The following CCDC167 variants were observed in gnomAD, a reference collection of about 807,000 sequenced individuals.
CCDC167 encodes coiled-coil domain-containing protein 167.
Under a neutral mutation model 12.7 loss-of-function variants are expected in CCDC167, and 15 were observed. That is an observed-to-expected ratio of 1.18 (90% CI 0.79 to 1.81). The LOEUF (loss-of-function observed/expected upper bound fraction) is 1.81, where lower values mean the gene tolerates loss of function less well. CCDC167 is among the 40% of genes most tolerant of loss of function. The pLI is 0.00. For synonymous variants in CCDC167, 52 were observed against 49.0 expected, an observed-to-expected ratio of 1.06 and a Z score of -0.26; for missense variants, 121 against 120.1, an observed-to-expected ratio of 1.01 and a Z score of -0.03.
At chr6:37,490,609 G>A (rs1435087108) in intron 1 of CCDC167, among the ~76,000 whole-genome samples, 2 of 152,060 alleles carry the variant, frequency 1.3e-5, no homozygotes, top group Non-Finnish European at 2.9e-5. Context: ...TGAGCTCAGC[G>A]AGGAGACCCA....
intron 3 of CCDC167, 75 bp downstream of exon 3, chr6:37,484,735 G>A: frequency 6.4e-7 from 1 of 1,556,666 alleles, no homozygotes; most frequent in Admixed American, 1.7e-5. Context: ...GCCTTGTCAG[G>A]CCCCTTGGGC....
At chr6:37,493,868 C>T (rs1266422808) in intron 1 of CCDC167, among the ~76,000 whole-genome samples, 1 of 152,222 alleles carries the variant, frequency 6.6e-6, no homozygotes, top group Non-Finnish European at 1.5e-5. Flanking sequence ...GAGCCCTGTG[C>T]ACAGCCTGCT....
intron 2 of CCDC167, 72 bp from the exon 3 acceptor site, chr6:37,484,934 A>C: frequency 3.1e-6 from 5 of 1,590,140 alleles, no homozygotes; most frequent in Non-Finnish European, 3.4e-6. Flanking sequence ...CTGGCATGCC[A>C]GTTGGCAGGG....
chr6:37,485,906 A>C (rs1402924332), intron 1 of CCDC167, among the ~76,000 whole-genome samples: 1 of 152,202 alleles, frequency 6.6e-6, no homozygotes, highest in African/African-American at 2.4e-5. Flanking sequence ...GTTTGATTAG[A>C]GTTTCAGAGA....
At chr6:37,494,054 G>GA (rs1762065278) in intron 1 of CCDC167, among the ~76,000 whole-genome samples, 1 of 127,246 alleles carries the variant, frequency 7.9e-6, no homozygotes, top group Non-Finnish European at 1.6e-5. Flanking sequence ...CAGTGATCCT[G>GA]CCTTTTTTTT....
At chr6:37,486,304 C>T (rs1761941974) in intron 1 of CCDC167, among the ~76,000 whole-genome samples, 1 of 152,224 alleles carries the variant, frequency 6.6e-6, no homozygotes, top group Admixed American at 6.5e-5. Context: ...CTCTCCTTAT[C>T]AGTCTCAGCC....
intron 3 of CCDC167, 95 bp downstream of exon 3, chr6:37,484,715 G>T: frequency 7.0e-7 from 1 of 1,431,162 alleles, no homozygotes; most frequent in Non-Finnish European, 9.9e-7. Context: ...GAACCCCCTT[G>T]CTCCCTGCTG....
intron 2 of CCDC167, 70 bp from the exon 3 acceptor site, chr6:37,484,932 C>G: frequency 6.3e-7 from 1 of 1,595,070 alleles, no homozygotes; most frequent in Non-Finnish European, 8.6e-7. Context: ...AGCTGGCATG[C>G]CAGTTGGCAG....
At chr6:37,494,591 G>C (rs921125071) in intron 1 of CCDC167, among the ~76,000 whole-genome samples, 2 of 152,158 alleles carry the variant, frequency 1.3e-5, no homozygotes, top group Non-Finnish European at 2.9e-5. Flanking sequence ...AGACGTTCCA[G>C]AAGTCAGCTA....
Position 37,483,009 on chromosome 6 carries a change from C to T in CCDC167, c.*177G>A, listed in dbSNP as rs1051938356. 13 of 682,432 alleles carry T rather than the reference C, an allele frequency of 1.9e-5. No homozygotes were observed. The highest frequency in any genetic ancestry group is 2.9e-5 in the East Asian group (1 of 34,774). 42.3% of individuals were successfully genotyped at this position (682,432 alleles called of 1,614,324 possible). On this transcript the variant is annotated 3_prime_UTR_variant, in exon 4 of 4. Coordinates refer to ENST00000373408, the MANE Select transcript of CCDC167 (RefSeq NM_138493.3). The stretch of plus-strand genomic sequence containing the variant: ...CCAGCACCATGTCCTTCTGGAGACC[C>T]GGAACCCCCCAGCAGGCCAGGGAGG...
chr6:37,499,769 C>A, intron 1 of CCDC167, 53 bp downstream of exon 1: 1 of 1,576,938 alleles, frequency 6.3e-7, no homozygotes. Flanking sequence ...CCTTATCCCG[C>A]GGCCAGGAGA....
chr6:37,499,684 C>T (rs546841290), intron 1 of CCDC167, 138 bp downstream of exon 1: 1 of 991,032 alleles, frequency 1.0e-6, no homozygotes, highest in African/African-American at 1.6e-5. Flanking sequence ...CTCACCCCTC[C>T]CGTCCCTCTC....
chr6:37,483,290 C>A lies in CCDC167; in HGVS notation c.191-1G>T. The A allele has an allele frequency of 1.2e-6, 2 of 1,608,686 alleles. No homozygotes were observed. Among genetic ancestry groups the A allele is most frequent in the South Asian group, 2.2e-5 (2 of 90,938 alleles). ...TGCCGAAGAAACTTCAGTTCCTTCT[C>A]TGGGAGGAAAGAGGGTGATAGGGAT... On this transcript the variant is annotated splice_acceptor_variant, in intron 3 of 3. Coordinates refer to ENST00000373408, the MANE Select transcript of CCDC167 (RefSeq NM_138493.3). LOFTEE classifies it high-confidence loss of function.
At chr6:37,487,781 G>A (rs908325670) in intron 1 of CCDC167, among the ~76,000 whole-genome samples, 13 of 152,238 alleles carry the variant, frequency 8.5e-5, no homozygotes, top group African/African-American at 3.1e-4. Flanking sequence ...CAGAGCCTGC[G>A]GAGCTGGCAG....
intron 1 of CCDC167, among the ~76,000 whole-genome samples, chr6:37,497,821 C>T (rs1490733632): frequency 6.6e-6 from 1 of 152,122 alleles, no homozygotes; most frequent in South Asian, 2.1e-4. Context: ...TGCACCACTA[C>T]ACTCCAGCCT....
intron 1 of CCDC167, among the ~76,000 whole-genome samples, chr6:37,487,896 C>T (rs1356770445): frequency 7.9e-5 from 12 of 152,248 alleles, no homozygotes; most frequent in Non-Finnish European, 2.9e-5. Context: ...GAACACAAAT[C>T]AAGGTTTTAG....
intron 1 of CCDC167, among the ~76,000 whole-genome samples, chr6:37,495,643 G>A (rs551280926): frequency 6.6e-6 from 1 of 152,164 alleles, no homozygotes; most frequent in Non-Finnish European, 1.5e-5. Flanking sequence ...GAGGCTAGAG[G>A]GTGCCCTGGT....
intron 1 of CCDC167, among the ~76,000 whole-genome samples, chr6:37,494,426 T>C (rs984972879): frequency 1.3e-5 from 2 of 152,184 alleles, no homozygotes; most frequent in Admixed American, 6.5e-5. Context: ...TTAGCATTTA[T>C]TCCTTACAGC....
intron 1 of CCDC167, among the ~76,000 whole-genome samples, chr6:37,494,054 G>GC (rs1374394968): frequency 3.1e-5 from 4 of 127,248 alleles, no homozygotes; most frequent in Non-Finnish European, 6.4e-5. Context: ...CAGTGATCCT[G>GC]CCTTTTTTTT....
Sources: gnomAD v4.1 joint callset for allele counts (sites outside exome capture counted in the v4.1 genomes callset) on GRCh38, gnomAD v4.1.1 for gene constraint, MANE v1.5 for transcripts, NCBI Gene and HGNC (gene_info 2026-07-23, HGNC 2026-07-21) for gene names.